The following LOXL2 variants were observed in gnomAD, a reference collection of about 807,000 sequenced individuals.
The protein encoded by LOXL2 is lysyl oxidase like 2, also known as lysyl oxidase homolog 2.
LOXL2 carries 70 observed loss-of-function variants against 93.0 expected under a neutral mutation model. That is an observed-to-expected ratio of 0.75 (90% CI 0.62 to 0.92). The LOEUF (loss-of-function observed/expected upper bound fraction) is 0.92. LOXL2 is among the 40% of genes least tolerant of loss of function. The pLI is 0.00. For missense variants in LOXL2, 973 were observed against 1,054.9 expected, an observed-to-expected ratio of 0.92 and a Z score of 1.08; for synonymous variants, 438 against 413.2, an observed-to-expected ratio of 1.06 and a Z score of -0.73.
At chr8:23,370,214 C>T (rs1804473326) in intron 1 of LOXL2, among the ~76,000 whole-genome samples, 1 of 152,190 alleles carries the variant, frequency 6.6e-6, no homozygotes, top group Admixed American at 6.5e-5. Flanking sequence ...ATACCAGCTT[C>T]AGCTTTTGAC....
chr8:23,334,772 G>GTAGTAA (rs11273752), intron 4 of LOXL2, among the ~76,000 whole-genome samples: 84,858 of 150,522 alleles, frequency 0.56, 24,017 homozygotes, highest in East Asian at 0.63. Context: ...AAAATCAGAA[G>GTAGTAA]TAGTATCTGC....
chr8:23,333,251 G>A, intron 5 of LOXL2, 150 bp downstream of exon 5: 1 of 681,866 alleles, frequency 1.5e-6, no homozygotes. Flanking sequence ...TCTCTGCAGA[G>A]GGCGCTCAGG....
intron 11 of LOXL2, among the ~76,000 whole-genome samples, chr8:23,302,801 G>A (rs929313507): frequency 1.3e-5 from 2 of 152,210 alleles, no homozygotes; most frequent in African/African-American, 4.8e-5. Flanking sequence ...CACAGGGCAG[G>A]TGTGGTGACC....
intron 12 of LOXL2, among the ~76,000 whole-genome samples, 188 bp from the exon 13 acceptor site, chr8:23,299,135 G>T (rs950356988): frequency 6.6e-6 from 1 of 152,206 alleles, no homozygotes; most frequent in African/African-American, 2.4e-5. Flanking sequence ...AGCAGAGGAA[G>T]CATGGCCTGG....
intron 1 of LOXL2, among the ~76,000 whole-genome samples, chr8:23,382,095 G>A (rs1278663729): frequency 6.6e-6 from 1 of 152,216 alleles, no homozygotes; most frequent in Non-Finnish European, 1.5e-5. Context: ...GAGCTGGAAT[G>A]AGCACAGGCA....
intron 5 of LOXL2, among the ~76,000 whole-genome samples, chr8:23,330,562 A>G (rs1803655445): frequency 6.6e-6 from 1 of 151,870 alleles, no homozygotes; most frequent in Non-Finnish European, 1.5e-5. Flanking sequence ...ATGGCCAAGC[A>G]GTCAGCTGGC....
At chr8:23,378,920 C>G (rs924124261) in intron 1 of LOXL2, among the ~76,000 whole-genome samples, 19 of 152,180 alleles carry the variant, frequency 1.2e-4, no homozygotes, top group Non-Finnish European at 2.4e-4. Flanking sequence ...TCGTCTGAAG[C>G]CTTCTTCTCT....
At chr8:23,374,241 T>C (rs1353564389) in intron 1 of LOXL2, among the ~76,000 whole-genome samples, 1 of 152,002 alleles carries the variant, frequency 6.6e-6, no homozygotes, top group Non-Finnish European at 1.5e-5. Context: ...AGAATGATGG[T>C]TTCCAGCTTC....
chr8:23,373,052 A>C (rs1000067007), intron 1 of LOXL2, among the ~76,000 whole-genome samples: 2 of 152,230 alleles, frequency 1.3e-5, no homozygotes, highest in Non-Finnish European at 2.9e-5. Flanking sequence ...GCTATAAACC[A>C]TTAATAAAAG....
chr8:23,375,340 T>G (rs1804570652), intron 1 of LOXL2, among the ~76,000 whole-genome samples: 1 of 152,174 alleles, frequency 6.6e-6, no homozygotes, highest in Admixed American at 6.5e-5. Context: ...GCTGTTTTGG[T>G]TACTGTAGCC....
At chr8:23,303,893 A>C (rs189065491) in intron 10 of LOXL2, among the ~76,000 whole-genome samples, 45 of 152,384 alleles carry the variant, frequency 3.0e-4, no homozygotes, top group African/African-American at 9.6e-4. Context: ...GAGCAGCAGA[A>C]AGAACAGGAA....
chr8:23,352,232 C>A (rs1401771145), intron 3 of LOXL2, among the ~76,000 whole-genome samples: 1 of 152,190 alleles, frequency 6.6e-6, no homozygotes, highest in East Asian at 1.9e-4. Context: ...AGGCTGTGGG[C>A]CTCCACCATG....
chr8:23,353,051 T>G (rs1804122584), intron 3 of LOXL2, among the ~76,000 whole-genome samples: 3 of 149,396 alleles, frequency 2.0e-5, no homozygotes, highest in Admixed American at 6.7e-5. Flanking sequence ...AGGGATGGGG[T>G]GAAGAAAAGA....
At chr8:23,309,533 C>T (rs184679928) in intron 10 of LOXL2, 135 bp downstream of exon 10, 2 of 1,067,402 alleles carry the variant, frequency 1.9e-6, no homozygotes, top group African/African-American at 3.3e-5. Context: ...TGCAAGCCCC[C>T]CACTTAGGAG....
intron 1 of LOXL2, among the ~76,000 whole-genome samples, chr8:23,396,233 G>A (rs1394555549): frequency 2.0e-5 from 3 of 152,004 alleles, no homozygotes; most frequent in Non-Finnish European, 2.9e-5. Flanking sequence ...CAAGAGAATC[G>A]CTTGAACCCA....
Position 23,328,441 on chromosome 8 carries a change from C to A in LOXL2, c.1091G>T (p.Cys364Phe), listed in dbSNP as rs777833282. ...KWDLVSASVV[C>F]RELGFGSAKE... ...GGCACTCCCAAAGCCCAGCTCTCTG[C>A]AGACCACACTGGCCGACACCAGGTC... The change falls in exon 6 of 14, where the codon TGC (cysteine) becomes TTC (phenylalanine). Residue 364 changes from cysteine (C) to phenylalanine (F), a missense_variant. By Grantham distance (205) the Cys-to-Phe change is radical. Coordinates refer to ENST00000389131, the MANE Select transcript of LOXL2 (RefSeq NM_002318.3). 1.9e-6 allele frequency: 3 copies of A among 1,614,012 alleles called. No homozygotes were observed. The highest frequency in any genetic ancestry group is 1.3e-5 in the African/African-American group (1 of 74,930).
In LOXL2 at chr8:23,368,019, G is replaced by C; in HGVS notation, c.333C>G (p.Ser111Arg). 3 of 1,613,336 alleles carry C rather than the reference G, an allele frequency of 1.9e-6. No homozygotes were observed. The highest frequency in any genetic ancestry group is 2.5e-6 in the Non-Finnish European group (3 of 1,179,750). Residue 111 changes from serine to arginine, a missense_variant, in exon 2 of 14, where the codon AGC becomes AGG. Ser to Arg is a moderately radical substitution (Grantham distance 110). Coordinates refer to ENST00000389131, the MANE Select transcript of LOXL2 (RefSeq NM_002318.3). ...GYVEAKSWTA[S>R]SSYGKGEGPI... ...TACCTTCTCCCTTGCCGTAGGAGGA[G>C]CTGGCAGTCCAGGACTTGGCCTCCA...
intron 3 of LOXL2, among the ~76,000 whole-genome samples, chr8:23,342,810 G>T (rs567233893): frequency 2.0e-5 from 3 of 152,174 alleles, no homozygotes; most frequent in African/African-American, 7.2e-5. Flanking sequence ...GAGTGCAGTG[G>T]TGTGATCAGG....
chr8:23,334,127 C>G (rs1803750875), intron 4 of LOXL2, among the ~76,000 whole-genome samples: 1 of 152,214 alleles, frequency 6.6e-6, no homozygotes, highest in Admixed American at 6.5e-5. Context: ...CAACCTCTGC[C>G]TCCCAGATTC....
Sources: gnomAD v4.1 joint callset for allele counts (sites outside exome capture counted in the v4.1 genomes callset) on GRCh38, gnomAD v4.1.1 for gene constraint, MANE v1.5 for transcripts, NCBI Gene and HGNC (gene_info 2026-07-23, HGNC 2026-07-21) for gene names.